Variants in LRBA observed in about 807,000 individuals in gnomAD.
The protein encoded by LRBA is lipopolysaccharide-responsive and beige-like anchor protein.
In LRBA, 176 loss-of-function variants were observed where a neutral mutation model predicts 330.0. That is an observed-to-expected ratio of 0.53 (90% CI 0.47 to 0.60). The LOEUF (loss-of-function observed/expected upper bound fraction) is 0.60, where lower values mean the gene tolerates loss of function less well. LRBA is among the 20% of genes least tolerant of loss of function. The probability of loss-of-function intolerance (pLI) is 0.00; values close to 1 mark genes in which losing one functional copy is unlikely to be tolerated. For synonymous variants in LRBA, 1,230 were observed against 1,193.0 expected (o/e 1.03, Z -0.64); for missense variants, 3,259 against 3,444.8 (o/e 0.95, Z 1.35).
chr4:150,520,950 T>C (rs968162952), intron 40 of LRBA, among the ~76,000 whole-genome samples: 6 of 152,184 alleles, frequency 3.9e-5, no homozygotes, highest in Non-Finnish European at 7.4e-5. Flanking sequence ...TTAAAAACAA[T>C]AGAGACCTAA....
intron 47 of LRBA, among the ~76,000 whole-genome samples, chr4:150,405,849 G>C (rs1746122364): frequency 6.6e-6 from 1 of 151,966 alleles, no homozygotes; most frequent in Non-Finnish European, 1.5e-5. Context: ...GAGGTCAGGA[G>C]TTCAAGACCA....
intron 37 of LRBA, among the ~76,000 whole-genome samples, chr4:150,611,680 C>T (rs55820127): frequency 0.016 from 2,421 of 152,272 alleles, 37 homozygotes; most frequent in Non-Finnish European, 0.02. Flanking sequence ...AGTTACAAGG[C>T]TCTATCGCTT....
At chr4:150,378,927 T>C (rs1168300343) in intron 47 of LRBA, among the ~76,000 whole-genome samples, 4 of 152,178 alleles carry the variant, frequency 2.6e-5, no homozygotes, top group Non-Finnish European at 4.4e-5. Flanking sequence ...ATTTATGTAA[T>C]AATAATTTGT....
intron 40 of LRBA, among the ~76,000 whole-genome samples, chr4:150,499,697 C>A (rs576081829): frequency 6.6e-6 from 1 of 151,024 alleles, no homozygotes; most frequent in African/African-American, 2.4e-5. Context: ...CATAAGCTTT[C>A]TATTCCTTAC....
intron 37 of LRBA, among the ~76,000 whole-genome samples, chr4:150,680,972 T>C (rs1291084910): frequency 6.6e-6 from 1 of 152,118 alleles, no homozygotes; most frequent in Non-Finnish European, 1.5e-5. Flanking sequence ...TTACGTGGAT[T>C]CCAAAGGAGG....
intron 38 of LRBA, chr4:150,596,959 C>T: frequency 2.0e-6 from 1 of 488,746 alleles, no homozygotes; most frequent in Non-Finnish European, 3.8e-6. Context: ...AATTGTAAGA[C>T]AACTGAAGAA....
At position 150,803,075 on chromosome 4, in the gene LRBA, A is replaced by AATAT. The variant is rs34393177; in HGVS notation, c.5518+3192_5518+3195dup. On this transcript the variant is annotated intron_variant, in intron 33 of 56. Transcript: ENST00000651943. ...CAAAAACAAAAACAAACAAAAAAAAAATATATATACACACACACACACACA... is the reference window on the plus strand; with the variant it reads ...CAAAAACAAAAACAAACAAAAAAAAAATATATATATATACACACACACACACACA... Among the ~76,000 whole-genome samples, 145 of 129,898 alleles carry AATAT rather than the reference A, an allele frequency of 1.1e-3. 1 individual carries two copies. Among genetic ancestry groups the AATAT allele is most frequent in the African/African-American group, 3.0e-3 (103 of 34,170 alleles). The allele number at this position is 129,898 out of a possible 152,430, so 85.2% of individuals were successfully genotyped here.
Position 150,530,014 on chromosome 4 carries a change from C to T in LRBA, c.6331-38979G>A, listed in dbSNP as rs528940744. Among the ~76,000 whole-genome samples, 7 of 152,210 alleles carry T rather than the reference C, an allele frequency of 4.6e-5. No individual in the cohort carries two copies. In the South Asian group the frequency reaches 1.5e-3, roughly 32 times the overall value. On this transcript the variant is annotated intron_variant, in intron 40 of 56. Transcript: ENST00000651943. ...ATTCCAAAATGTAGACTAAGCCATC[C>T]TTGACTATTTTGGCAGGAATTAATA...
chr4:150,972,641 C>T (rs571651158), intron 2 of LRBA, among the ~76,000 whole-genome samples: 6 of 152,254 alleles, frequency 3.9e-5, no homozygotes, highest in African/African-American at 9.6e-5. Context: ...TAATGGTGTA[C>T]ATTTAAAAGG....
At chr4:150,799,334 G>T (rs1178028308) in intron 33 of LRBA, among the ~76,000 whole-genome samples, 1 of 152,086 alleles carries the variant, frequency 6.6e-6, no homozygotes, top group Non-Finnish European at 1.5e-5. Flanking sequence ...ATTTCTGTAG[G>T]GCGAAGATGA....
At chr4:150,829,636 C>G (rs1190683485) in intron 29 of LRBA, among the ~76,000 whole-genome samples, 1 of 152,166 alleles carries the variant, frequency 6.6e-6, no homozygotes, top group African/African-American at 2.4e-5. Context: ...TCCTTCACCT[C>G]TTTTTCTCCC....
chr4:150,573,857 C>A (rs1770191775), intron 40 of LRBA, among the ~76,000 whole-genome samples: 1 of 152,076 alleles, frequency 6.6e-6, no homozygotes, highest in South Asian at 2.1e-4. Context: ...TTTTGAAAAC[C>A]ACTTCCCTGC....
intron 40 of LRBA, among the ~76,000 whole-genome samples, chr4:150,504,339 G>A (rs1760742108): frequency 6.6e-6 from 1 of 152,200 alleles, no homozygotes; most frequent in South Asian, 2.1e-4. Context: ...AATGCAGCCA[G>A]AGAGAAAGGT....
rs1449298943 is a variant in LRBA, at chr4:150,828,422, A to G, written c.4929T>C (p.Thr1643=). The G allele has an allele frequency of 1.2e-6, 2 of 1,614,140 alleles. No individual in the cohort carries two copies. The highest frequency in any genetic ancestry group is 1.7e-5 in the Admixed American group (1 of 60,008). The change falls in exon 30 of 57, where the codon ACT becomes ACC. Residue 1643 remains threonine, a synonymous_variant. Coordinates refer to ENST00000651943, the MANE Select transcript of LRBA (RefSeq NM_001364905.1). ...GPDAISEVLS[T]LSLEVNKSPE... is the part of the protein sequence containing the mutation. ...GAGACTTATTGACTTCTAAAGAAAG[A>G]GTAGATAGCACCTCGCTGATTGCAT...
chr4:150,319,223 G>T (rs74433395), intron 50 of LRBA, among the ~76,000 whole-genome samples: 5,527 of 152,226 alleles, frequency 0.036, 322 homozygotes, highest in African/African-American at 0.12. Flanking sequence ...AAGTAAAGAT[G>T]GGGGCAGAGT....
chr4:150,661,775 T>TC (rs1781132973), intron 37 of LRBA, among the ~76,000 whole-genome samples: 1 of 151,764 alleles, frequency 6.6e-6, no homozygotes. Flanking sequence ...CACACCTAGT[T>TC]AATTTATTTT....
At chr4:150,316,042 C>T (rs1324857994) in intron 50 of LRBA, among the ~76,000 whole-genome samples, 1 of 152,108 alleles carries the variant, frequency 6.6e-6, no homozygotes, top group Non-Finnish European at 1.5e-5. Context: ...AAAATGTCAA[C>T]TTATGATGGA....
At chr4:150,903,023 G>T (rs1055535813) in intron 13 of LRBA, among the ~76,000 whole-genome samples, 1 of 152,096 alleles carries the variant, frequency 6.6e-6, no homozygotes, top group Non-Finnish European at 1.5e-5. Flanking sequence ...TAACTACTTC[G>T]TTCTGAGAAC....
At position 150,851,922 on chromosome 4, in the gene LRBA, T is replaced by G. The variant is rs1452417063; in HGVS notation, c.3788A>C (p.Asn1263Thr). 3 of 1,613,798 alleles carry G rather than the reference T, an allele frequency of 1.9e-6. No individual in the cohort carries two copies. The African/African-American group carries it at 4.0e-5, about 22-fold the overall frequency. Residue 1263 changes from asparagine (N) to threonine (T), a missense_variant, in exon 23 of 57, where the codon AAC becomes ACC. Transcript: ENST00000651943. ...TERLELKASP[N>T]VEAPQPHRHV... is the part of the protein sequence containing the mutation. ...TCGATGAGGTTGAGGTGCTTCCACG[T>G]TGGGACTGGCCTTCAACTCCAGCCT...
Sources: gnomAD v4.1 joint callset for allele counts (sites outside exome capture counted in the v4.1 genomes callset) on GRCh38, gnomAD v4.1.1 for gene constraint, MANE v1.5 for transcripts, NCBI Gene and HGNC (gene_info 2026-07-23, HGNC 2026-07-21) for gene names.